Variants in ATF2 observed in about 807,000 individuals in gnomAD.
The protein encoded by ATF2 is activating transcription factor 2.
In ATF2, 24 loss-of-function variants were observed where a neutral mutation model predicts 60.6. The observed-to-expected ratio is 0.40, with a 90% CI of 0.29 to 0.56. The LOEUF (loss-of-function observed/expected upper bound fraction) is 0.56, where lower values mean the gene tolerates loss of function less well. Ranked by LOEUF, ATF2 falls within the 20% of genes least tolerant of loss-of-function variation. ATF2 has a pLI of 0.54. For missense variants in ATF2, 433 were observed against 607.7 expected, an observed-to-expected ratio of 0.71 and a Z score of 3.02; for synonymous variants, 206 against 215.4, an observed-to-expected ratio of 0.96 and a Z score of 0.38.
chr2:175,134,235 T>A (rs1279603898), intron 3 of ATF2, among the ~76,000 whole-genome samples: 1 of 152,092 alleles, frequency 6.6e-6, no homozygotes, highest in Non-Finnish European at 1.5e-5. Flanking sequence ...TTAAAAGTAA[T>A]CTAGAGATGA....
At chr2:175,145,319 C>T (rs555064663) in intron 2 of ATF2, among the ~76,000 whole-genome samples, 1 of 152,328 alleles carries the variant, frequency 6.6e-6, no homozygotes, top group African/African-American at 2.4e-5. Context: ...GCAGATCCCT[C>T]ATGGCTCAGT....
chr2:175,142,040 A>C (rs1207579733), intron 2 of ATF2, among the ~76,000 whole-genome samples: 1 of 152,178 alleles, frequency 6.6e-6, no homozygotes, highest in East Asian at 1.9e-4. Context: ...GAAAAGAAAA[A>C]AACCTACAAA....
intron 10 of ATF2, 112 bp from the exon 11 acceptor site, chr2:175,097,705 T>TA: frequency 8.9e-7 from 1 of 1,120,642 alleles, no homozygotes; most frequent in Non-Finnish European, 1.3e-6. Flanking sequence ...TTTTGCCTAG[T>TA]ACTACTAGAG....
At chr2:175,110,519 T>G (rs1055386422) in intron 10 of ATF2, among the ~76,000 whole-genome samples, 4 of 152,220 alleles carry the variant, frequency 2.6e-5, no homozygotes, top group African/African-American at 9.6e-5. Context: ...TATAGAACGT[T>G]AACATCTACC....
chr2:175,074,630 C>A lies in ATF2; in HGVS notation c.1497G>T (p.Gln499His). The A allele has an allele frequency of 1.2e-6, 2 of 1,612,616 alleles. No individual in the cohort carries two copies. The highest frequency in any genetic ancestry group is 1.7e-6 in the Non-Finnish European group (2 of 1,179,368). The change falls in exon 14 of 14, where the codon CAG becomes CAT. Residue 499 changes from glutamine to histidine, a missense_variant. By Grantham distance (24) the Gln-to-His change is conservative. This residue lies in a region of ATF2 where 114 missense variants were observed against 104.0 expected (regional missense o/e 1.10). Transcript: ENST00000264110. Reference sequence around the variant, plus strand: ...TTAATCAACTTCCTGAGGGCTGTGACTGGGAGGAAGGAGCCATAACGATCT... The same window carrying A: ...TTAATCAACTTCCTGAGGGCTGTGAATGGGAGGAAGGAGCCATAACGATCT... Reference protein sequence around the residue: ...LSQIVMAPSSQSQPSGS With the variant: ...LSQIVMAPSSHSQPSGS
chr2:175,097,617 A>AT lies in ATF2; in HGVS notation c.829-25dup, dbSNP rs763701597. ...CTCTGCAATGCAAACACCATTAAAA[A>AT]TTTTTTTTAAGTCCTTAAAGATCAT... On this transcript the variant is annotated intron_variant, in intron 10 of 13. Transcript: ENST00000264110. 5.0e-6 allele frequency: 8 copies of AT among 1,610,664 alleles called. No individual in the cohort carries two copies. In the East Asian group the frequency reaches 1.3e-4, roughly 27 times the overall value.
intron 1 of ATF2, among the ~76,000 whole-genome samples, chr2:175,155,078 T>G (rs1699588849): frequency 6.6e-6 from 1 of 152,166 alleles, no homozygotes; most frequent in South Asian, 2.1e-4. Flanking sequence ...TATGTATTAC[T>G]AAAGGTACAC....
chr2:175,137,241 G>T (rs1031761556), intron 2 of ATF2, among the ~76,000 whole-genome samples: 1 of 152,126 alleles, frequency 6.6e-6, no homozygotes, highest in Non-Finnish European at 1.5e-5. Context: ...GGTGGATCTG[G>T]TATAGGAAAT....
At chr2:175,097,297 T>G in intron 11 of ATF2, 147 bp downstream of exon 11, 1 of 1,111,494 alleles carries the variant, frequency 9.0e-7, no homozygotes, top group Non-Finnish European at 1.3e-6. Flanking sequence ...AATACTTGTA[T>G]ACTGAGCTAC....
chr2:175,102,234 G>A (rs1165906766), intron 10 of ATF2, among the ~76,000 whole-genome samples: 1 of 152,138 alleles, frequency 6.6e-6, no homozygotes. Context: ...AGTTAGCAGA[G>A]ATAAAACCAG....
At chr2:175,107,907 C>T (rs1032631428) in intron 10 of ATF2, among the ~76,000 whole-genome samples, 2 of 152,166 alleles carry the variant, frequency 1.3e-5, no homozygotes, top group African/African-American at 4.8e-5. Flanking sequence ...GGCGTGATCT[C>T]GGCTCGCTAC....
chr2:175,118,134 T>C lies in ATF2; in HGVS notation c.319-16A>G, dbSNP rs373091630. On this transcript the variant is annotated splice_polypyrimidine_tract_variant and intron_variant, in intron 6 of 13. Coordinates refer to ENST00000264110, the MANE Select transcript of ATF2 (RefSeq NM_001880.4). ...CTAGAGGCATCTATAATTCAAATAA[T>C]AAGGAAAAGGTTATAAGTTCAAAAA... The C allele has an allele frequency of 3.7e-5, 59 of 1,606,464 alleles. No individual in the cohort carries two copies. In the African/African-American group the frequency reaches 7.5e-4, roughly 20 times the overall value.
intron 12 of ATF2, among the ~76,000 whole-genome samples, chr2:175,083,071 C>T (rs1325858915): frequency 6.6e-6 from 1 of 151,748 alleles, no homozygotes; most frequent in African/African-American, 2.4e-5. Flanking sequence ...GCCATACTGC[C>T]CAAGGTAATT....
chr2:175,167,506 C>A, intron 1 of ATF2: 1 of 422,852 alleles, frequency 2.4e-6, no homozygotes, highest in Non-Finnish European at 5.0e-6. Context: ...CAGCCAGGGA[C>A]CCTGATTCTA....
At chr2:175,113,739 C>T (rs1319131869) in intron 9 of ATF2, among the ~76,000 whole-genome samples, 1 of 151,124 alleles carries the variant, frequency 6.6e-6, no homozygotes, top group East Asian at 1.9e-4. Flanking sequence ...TTGAATGCTA[C>T]AAGTCCAGTC....
At chr2:175,145,908 T>C (rs1212366592) in intron 2 of ATF2, among the ~76,000 whole-genome samples, 16 of 152,176 alleles carry the variant, frequency 1.1e-4, no homozygotes, top group Admixed American at 7.9e-4. Context: ...AACTGAACAT[T>C]TGATAAGAAA....
chr2:175,123,318 C>T (rs553791516), intron 4 of ATF2, among the ~76,000 whole-genome samples: 95 of 152,060 alleles, frequency 6.2e-4, no homozygotes, highest in African/African-American at 2.1e-3. Context: ...TGTCTTACAT[C>T]CTACACTAAA....
At chr2:175,137,733 A>T (rs2105771192) in intron 2 of ATF2, among the ~76,000 whole-genome samples, 1 of 152,030 alleles carries the variant, frequency 6.6e-6, no homozygotes, top group East Asian at 1.9e-4. Flanking sequence ...AATCTTTTCT[A>T]CTCTCCACTA....
intron 12 of ATF2, chr2:175,092,680 A>T (rs1050931095): frequency 3.2e-5 from 13 of 400,146 alleles, no homozygotes; most frequent in Admixed American, 6.5e-5. Context: ...TAAAAATAAA[A>T]ACTGCTACTG....
Sources: gnomAD v4.1 joint callset for allele counts (sites outside exome capture counted in the v4.1 genomes callset) on GRCh38, gnomAD v4.1.1 for gene constraint, gnomAD v4.1.1 regional missense constraint, MANE v1.5 for transcripts, NCBI Gene and HGNC (gene_info 2026-07-23, HGNC 2026-07-21) for gene names.